The following AFG1L variants were observed in gnomAD, a reference collection of about 807,000 sequenced individuals.
The protein encoded by AFG1L is AFG1 like ATPase.
A neutral mutation model predicts 62.2 loss-of-function variants in AFG1L; 53 were observed. That is an observed-to-expected ratio of 0.85 (90% CI 0.68 to 1.07). AFG1L has a LOEUF of 1.07. Ranked by LOEUF, AFG1L falls within the 50% of genes least tolerant of loss-of-function variation. AFG1L has a pLI of 0.00. For synonymous variants in AFG1L, 228 were observed against 210.3 expected, an observed-to-expected ratio of 1.08 and a Z score of -0.73; for missense variants, 555 against 590.5, an observed-to-expected ratio of 0.94 and a Z score of 0.62.
intron 6 of AFG1L, among the ~76,000 whole-genome samples, chr6:108,368,834 T>C (rs143695650): frequency 0.018 from 2,733 of 152,306 alleles, 40 homozygotes; most frequent in Middle Eastern, 0.071. Flanking sequence ...GATTAAGGAA[T>C]GTTTTGCAGC....
chr6:108,411,446 A>C (rs139269149), intron 7 of AFG1L, among the ~76,000 whole-genome samples: 1 of 152,294 alleles, frequency 6.6e-6, no homozygotes, highest in African/African-American at 2.4e-5. Context: ...AGATCTGAGA[A>C]TGGACAGACT....
intron 10 of AFG1L, among the ~76,000 whole-genome samples, chr6:108,482,599 C>T (rs1773368510): frequency 6.6e-6 from 1 of 152,118 alleles, no homozygotes; most frequent in Non-Finnish European, 1.5e-5. Context: ...TACCACATTA[C>T]CTTAGCTATG....
intron 2 of AFG1L, among the ~76,000 whole-genome samples, chr6:108,335,757 A>G (rs1167654739): frequency 1.3e-5 from 2 of 152,220 alleles, no homozygotes; most frequent in Non-Finnish European, 2.9e-5. Context: ...CAAAGTGAAC[A>G]TGGAAGGATT....
intron 7 of AFG1L, among the ~76,000 whole-genome samples, chr6:108,404,379 G>A (rs982749249): frequency 6.6e-6 from 1 of 152,112 alleles, no homozygotes; most frequent in Non-Finnish European, 1.5e-5. Flanking sequence ...AGAAGCTTGT[G>A]GTTTGTTGCT....
chr6:108,409,288 A>G (rs1460711501), intron 7 of AFG1L, among the ~76,000 whole-genome samples: 2 of 152,194 alleles, frequency 1.3e-5, no homozygotes, highest in Non-Finnish European at 2.9e-5. Context: ...ATTTTTGAAC[A>G]GGTGAATTTT....
chr6:108,491,294 A>G (rs1240919187), intron 10 of AFG1L, among the ~76,000 whole-genome samples: 1 of 152,248 alleles, frequency 6.6e-6, no homozygotes, highest in Non-Finnish European at 1.5e-5. Context: ...GATATTCAGT[A>G]AGTTAGAAGA....
At chr6:108,368,422 G>A (rs1444350961) in intron 6 of AFG1L, among the ~76,000 whole-genome samples, 1 of 152,036 alleles carries the variant, frequency 6.6e-6, no homozygotes, top group African/African-American at 2.4e-5. Flanking sequence ...AACACCTTTT[G>A]GATCCAGTTA....
chr6:108,344,567 C>G (rs1266633141), intron 2 of AFG1L, among the ~76,000 whole-genome samples: 2 of 152,128 alleles, frequency 1.3e-5, no homozygotes, highest in African/African-American at 4.8e-5. Flanking sequence ...GCCTGGATGA[C>G]AGAGTGAGAC....
At chr6:108,498,312 T>C (rs2114869281) in intron 10 of AFG1L, among the ~76,000 whole-genome samples, 1 of 152,342 alleles carries the variant, frequency 6.6e-6, no homozygotes, top group East Asian at 1.9e-4. Flanking sequence ...CAAGAACAAT[T>C]GCAGCCATTA....
chr6:108,307,014 C>CT lies in AFG1L; in HGVS notation c.139+11805dup, dbSNP rs1200943777. ...AACATAAATTACTTTTTTTTTCTTT[C>CT]TTTTTTTTTGAGTTTTTGAGATGGA... On this transcript the variant is annotated intron_variant, in intron 1 of 12. Transcript: ENST00000368977. Among the ~76,000 whole-genome samples, 12 of 149,212 alleles carry CT rather than the reference C, an allele frequency of 8.0e-5. No homozygotes were observed. The East Asian group carries it at 1.2e-3, about 15-fold the overall frequency.
At chr6:108,422,477 C>CAAAAAAAAAAAAAAAA (rs539232525) in intron 7 of AFG1L, among the ~76,000 whole-genome samples, 1,285 of 45,754 alleles carry the variant, frequency 0.028, 275 homozygotes, top group African/African-American at 0.056. Flanking sequence ...TAGTCCTCAG[C>CAAAAAAAAAAAAAAAA]AAAAAAAAAA....
intron 1 of AFG1L, among the ~76,000 whole-genome samples, chr6:108,323,507 A>G (rs1777900863): frequency 6.6e-6 from 1 of 152,060 alleles, no homozygotes; most frequent in Admixed American, 6.5e-5. Context: ...GATTACAAGC[A>G]TGCACCACCA....
intron 8 of AFG1L, among the ~76,000 whole-genome samples, chr6:108,451,093 C>T (rs1772034477): frequency 6.6e-6 from 1 of 152,122 alleles, no homozygotes; most frequent in African/African-American, 2.4e-5. Flanking sequence ...CCAGACTACC[C>T]CCTTGTCAGT....
At chr6:108,405,116 C>T (rs1012299986) in intron 7 of AFG1L, among the ~76,000 whole-genome samples, 7 of 152,176 alleles carry the variant, frequency 4.6e-5, no homozygotes, top group East Asian at 1.9e-4. Context: ...TATTTGTAAC[C>T]GTCTCTTGAA....
intron 11 of AFG1L, among the ~76,000 whole-genome samples, chr6:108,517,469 T>G (rs985646203): frequency 4.6e-5 from 7 of 152,176 alleles, no homozygotes; most frequent in Non-Finnish European, 8.8e-5. Flanking sequence ...GCTGAAACTG[T>G]ATCCTTTCCT....
intron 2 of AFG1L, among the ~76,000 whole-genome samples, chr6:108,336,371 T>G (rs1778477083): frequency 6.6e-6 from 1 of 152,196 alleles, no homozygotes; most frequent in Non-Finnish European, 1.5e-5. Context: ...ACCCTTATTA[T>G]CTAATTGTCC....
chr6:108,431,825 C>G (rs1771090873), intron 7 of AFG1L, among the ~76,000 whole-genome samples: 1 of 151,828 alleles, frequency 6.6e-6, no homozygotes. Flanking sequence ...CTCAAGTGAT[C>G]CACCTGCCTC....
rs763757594 is a variant in AFG1L, at chr6:108,305,967, G to A, written c.139+10749G>A. On this transcript the variant is annotated intron_variant, in intron 1 of 12. Coordinates refer to ENST00000368977, the MANE Select transcript of AFG1L (RefSeq NM_145315.5). Reference sequence around the variant, plus strand: ...TGCCCAGGTTGGAATGCAGTGGTGCGATCTTGGCTTACTGCATCCTCTACC... The same window carrying A: ...TGCCCAGGTTGGAATGCAGTGGTGCAATCTTGGCTTACTGCATCCTCTACC... Among the ~76,000 whole-genome samples the A allele has an allele frequency of 3.9e-4, 60 of 152,198 alleles. 1 individual carries two copies. The highest frequency in any genetic ancestry group is 6.8e-3 in the Middle Eastern group (2 of 294).
chr6:108,308,908 T>C (rs982661554), intron 1 of AFG1L, among the ~76,000 whole-genome samples: 9 of 152,118 alleles, frequency 5.9e-5, no homozygotes, highest in African/African-American at 2.2e-4. Context: ...GGTTTCACCA[T>C]GTTGGCCCCG....
Sources: allele counts gnomAD v4.1 joint callset (sites outside exome capture counted in the v4.1 genomes callset), GRCh38; gene constraint gnomAD v4.1.1; transcripts MANE v1.5; gene names NCBI Gene and HGNC (gene_info 2026-07-23, HGNC 2026-07-21).